DMXL2: variants seen among roughly 807,000 people sequenced by gnomAD.
The protein encoded by DMXL2 is Dmx like 2.
Under a neutral mutation model 331.1 loss-of-function variants are expected in DMXL2, and 103 were observed. The ratio of observed to expected loss-of-function variants is 0.31; its 90% confidence interval spans 0.27 to 0.37. The LOEUF is 0.37. DMXL2 is among the 10% of genes least tolerant of loss of function. The pLI, the probability that DMXL2 is intolerant of heterozygous loss-of-function variation, is 1.00. For missense variants in DMXL2, 3,171 were observed against 3,642.9 expected (o/e 0.87, Z 3.33); for synonymous variants, 1,281 against 1,252.1 (o/e 1.02, Z -0.49).
intron 6 of DMXL2, among the ~76,000 whole-genome samples, chr15:51,549,716 T>C (rs972595336): frequency 6.6e-6 from 1 of 152,158 alleles, no homozygotes; most frequent in African/African-American, 2.4e-5. Flanking sequence ...ATTAGTGACG[T>C]TGAGCATTTT....
intron 15 of DMXL2, among the ~76,000 whole-genome samples, chr15:51,508,030 G>A (rs2046516155): frequency 1.3e-5 from 2 of 152,112 alleles, no homozygotes; most frequent in South Asian, 2.1e-4. Flanking sequence ...TATTGGTAAT[G>A]AGCGCTGCTA....
At position 51,464,892 on chromosome 15, in the gene DMXL2, A is replaced by G. The variant is rs2040438699; in HGVS notation, c.7607-16T>C. 1 of 1,583,616 alleles carries G rather than the reference A, an allele frequency of 6.3e-7. No individual in the cohort carries two copies. Among genetic ancestry groups the G allele is most frequent in the African/African-American group, 1.4e-5 (1 of 73,762 alleles). Reference sequence around the variant, plus strand: ...ACAGGCAGCTCTACAAGGTGACAGAATATGTTATTTATTTTAATAAAAAAT... The same window carrying G: ...ACAGGCAGCTCTACAAGGTGACAGAGTATGTTATTTATTTTAATAAAAAAT... On this transcript the variant is annotated splice_polypyrimidine_tract_variant and intron_variant, in intron 31 of 43. Transcript: ENST00000560891.
intron 23 of DMXL2, among the ~76,000 whole-genome samples, chr15:51,483,660 G>C (rs923876292): frequency 2.0e-5 from 3 of 151,186 alleles, no homozygotes; most frequent in Non-Finnish European, 4.4e-5. Flanking sequence ...CAGCGCCCCT[G>C]CTCCCTGCAC....
At chr15:51,537,352 AAAG>A in intron 11 of DMXL2, 133 bp downstream of exon 11, 2 of 773,106 alleles carry the variant, frequency 2.6e-6, no homozygotes, top group East Asian at 2.8e-5. Context: ...CTTCTGAAAG[AAAG>A]AAGTATTCTT....
At chr15:51,616,353 A>G (rs961047446) in intron 1 of DMXL2, among the ~76,000 whole-genome samples, 1 of 151,060 alleles carries the variant, frequency 6.6e-6, no homozygotes, top group Non-Finnish European at 1.5e-5. Context: ...CAGGCAAACG[A>G]AAAAAAAAGA....
At chr15:51,557,332 T>C (rs1016464001) in intron 6 of DMXL2, among the ~76,000 whole-genome samples, 2 of 152,102 alleles carry the variant, frequency 1.3e-5, no homozygotes, top group Non-Finnish European at 2.9e-5. Flanking sequence ...CAAAAGATAT[T>C]TGGGATCTTC....
Position 51,499,344 on chromosome 15 carries a change from C to T in DMXL2, c.3880G>A (p.Ala1294Thr), listed in dbSNP as rs149666891. 426 of 1,613,928 alleles carry T rather than the reference C, an allele frequency of 2.6e-4. 1 individual carries two copies. The African/African-American group carries it at 5.0e-3, about 19-fold the overall frequency. ...TTAAAGGTCGAATGATCTTGCATTG[C>T]TGCCTCTTCTGCATTAGAACTATCA... ...EADSSNAEEAAMQDHSTFKSN... is the reference protein window; with the variant it reads ...EADSSNAEEATMQDHSTFKSN... Residue 1294 changes from alanine (A) to threonine (T), a missense_variant, in exon 18 of 44, where the codon GCA becomes ACA. By Grantham distance (58) the Ala-to-Thr change is moderately conservative (BLOSUM62 0). Coordinates refer to ENST00000560891, the MANE Select transcript of DMXL2 (RefSeq NM_001378457.1).
chr15:51,499,835 T>G lies in DMXL2; in HGVS notation c.3389A>C (p.Lys1130Thr). ...CCTTGAATCAAGTACACTCCCAACCTTAACCAAATCATCAAGATGAATTGT... is the reference window on the plus strand; with the variant it reads ...CCTTGAATCAAGTACACTCCCAACCGTAACCAAATCATCAAGATGAATTGT... ...EQTIHLDDLV[K>T]VGSVLDSRVS... is the part of the protein sequence containing the mutation. The change falls in exon 18 of 44, where the codon AAG (lysine) becomes ACG (threonine). Residue 1130 changes from lysine to threonine, a missense_variant. Coordinates refer to ENST00000560891, the MANE Select transcript of DMXL2 (RefSeq NM_001378457.1). 6.2e-7 allele frequency: 1 copy of G among 1,614,206 alleles called. No individual in the cohort carries two copies. The highest frequency in any genetic ancestry group is 8.5e-7 in the Non-Finnish European group (1 of 1,180,022).
intron 1 of DMXL2, among the ~76,000 whole-genome samples, chr15:51,602,560 G>C (rs2053300365): frequency 6.6e-6 from 1 of 152,124 alleles, no homozygotes; most frequent in Admixed American, 6.5e-5. Flanking sequence ...GTCTGGAAAG[G>C]CAACTCAACA....
rs543036066 is a variant in DMXL2, at chr15:51,611,155, A to G, written c.87+11304T>C. ...CATTAATAAAATAGAAAATAAGTAT[A>G]TAACAGAGAGAAGTGGTAAAGCTAA... is the stretch of plus-strand genomic sequence containing the variant. On this transcript the variant is annotated intron_variant, in intron 1 of 43. Transcript: ENST00000560891. Among the ~76,000 whole-genome samples the G allele has an allele frequency of 4.6e-5, 7 of 152,134 alleles. No individual in the cohort carries two copies. The East Asian group carries it at 1.2e-3, about 25-fold the overall frequency.
Position 51,538,362 on chromosome 15 carries a change from T to C in DMXL2, c.1196A>G (p.His399Arg), listed in dbSNP as rs1370293615. 2.5e-6 allele frequency: 4 copies of C among 1,613,804 alleles called. No individual in the cohort carries two copies. Among genetic ancestry groups the C allele is most frequent in the Non-Finnish European group, 3.4e-6 (4 of 1,179,782 alleles). Residue 399 changes from histidine to arginine, a missense_variant, in exon 10 of 44, where the codon CAT becomes CGT. Coordinates refer to ENST00000560891, the MANE Select transcript of DMXL2 (RefSeq NM_001378457.1). Reference protein sequence around the residue: ...VVHWLNNKEFHFTSSTEVFMH... With the variant: ...VVHWLNNKEFRFTSSTEVFMH... Reference sequence around the variant, plus strand: ...AAATACTTCTGTAGATGATGTAAAATGAAATTCCTTGTTGTTTAACCAATG... The same window carrying C: ...AAATACTTCTGTAGATGATGTAAAACGAAATTCCTTGTTGTTTAACCAATG...
chr15:51,555,428 C>A (rs1320873079), intron 6 of DMXL2, among the ~76,000 whole-genome samples: 1 of 152,048 alleles, frequency 6.6e-6, no homozygotes, highest in African/African-American at 2.4e-5. Context: ...AGTTGAATGT[C>A]ATCAGCATAC....
rs755681885 is a variant in DMXL2, at chr15:51,503,028, C to T, written c.2770G>A (p.Ala924Thr). Residue 924 changes from alanine to threonine, a missense_variant, in exon 17 of 44, where the codon GCT (alanine) becomes ACT (threonine). Around this residue, in one of 7 missense-constraint regions of DMXL2, gnomAD observed 1,674 missense variants for 1,780.2 expected, o/e 0.94. Transcript: ENST00000560891. ...CTCTCAGAGGAAGCCCCTTCTGAAGCTTTAGCTTTAAAAATAAATTATAAA... is the reference window on the plus strand; with the variant it reads ...CTCTCAGAGGAAGCCCCTTCTGAAGTTTTAGCTTTAAAAATAAATTATAAA... ...LKSVQACLAKASEGASSESLL... is the reference protein window; with the variant it reads ...LKSVQACLAKTSEGASSESLL... 2 of 1,596,394 alleles carry T rather than the reference C, an allele frequency of 1.3e-6. No homozygotes were observed. Among genetic ancestry groups the T allele is most frequent in the South Asian group, 1.1e-5 (1 of 88,642 alleles).
At chr15:51,462,615 G>A (rs1261642839) in intron 33 of DMXL2, among the ~76,000 whole-genome samples, 1 of 152,110 alleles carries the variant, frequency 6.6e-6, no homozygotes, top group Non-Finnish European at 1.5e-5. Flanking sequence ...GGGATTACAG[G>A]TGTGAGCCAC....
At position 51,542,341 on chromosome 15, in the gene DMXL2, G is replaced by A. The variant is rs1213133813; in HGVS notation, c.1097C>T (p.Pro366Leu). 1.9e-6 allele frequency: 3 copies of A among 1,613,090 alleles called. No individual in the cohort carries two copies. Among genetic ancestry groups the A allele is most frequent in the African/African-American group, 2.7e-5 (2 of 74,902 alleles). ...CHFHIAASIN[P>L]ATDIPNVLVG... ...AAAACTTTATCCTTTACCTGTGGCA[G>A]GGTTGATGCTTGCTGCAATATGAAA... The change falls in exon 9 of 44, where the codon CCT (proline) becomes CTT (leucine). Residue 366 changes from proline to leucine, a missense_variant. Physicochemically the swap from Pro to Leu is moderately conservative, Grantham distance 98 (BLOSUM62 -3). This residue lies in a region of DMXL2 where 1,674 missense variants were observed against 1,780.2 expected (regional missense o/e 0.94). Transcript: ENST00000560891.
At position 51,535,686 on chromosome 15, in the gene DMXL2, C is replaced by G; in HGVS notation, c.2413G>C (p.Glu805Gln). 1 of 1,603,364 alleles carries G rather than the reference C, an allele frequency of 6.2e-7. No individual in the cohort carries two copies. The highest frequency in any genetic ancestry group is 8.5e-7 in the Non-Finnish European group (1 of 1,175,676). Residue 805 changes from glutamate (E) to glutamine (Q), a missense_variant, in exon 13 of 44, where the codon GAA (glutamate) becomes CAA (glutamine). Physicochemically the swap from Glu to Gln is conservative, Grantham distance 29 (BLOSUM62 2). Transcript: ENST00000560891. The stretch of plus-strand genomic sequence containing the variant: ...ACTGAAGATTCTGGGTCTGACAATT[C>G]ATCTAATAATTTCCTTGCATCCACT... ...AVVDARKLLD[E>Q]LSDPESSKLI...
chr15:51,620,306 T>C (rs1175851701), intron 1 of DMXL2, among the ~76,000 whole-genome samples: 1 of 152,198 alleles, frequency 6.6e-6, no homozygotes, highest in Admixed American at 6.5e-5. Flanking sequence ...TGGGTTTGTA[T>C]TTACATTTGT....
intron 13 of DMXL2, among the ~76,000 whole-genome samples, chr15:51,528,585 A>T (rs2047816902): frequency 6.6e-6 from 1 of 152,174 alleles, no homozygotes; most frequent in Non-Finnish European, 1.5e-5. Context: ...AACAATTTTA[A>T]ATGTATATGC....
At chr15:51,565,435 T>C (rs1360299683) in intron 3 of DMXL2, among the ~76,000 whole-genome samples, 1 of 152,220 alleles carries the variant, frequency 6.6e-6, no homozygotes, top group African/African-American at 2.4e-5. Context: ...AAATACCTTC[T>C]TATATTTAGG....
Sources: gnomAD v4.1 joint callset for allele counts (sites outside exome capture counted in the v4.1 genomes callset) on GRCh38, gnomAD v4.1.1 for gene constraint, gnomAD v4.1.1 regional missense constraint, MANE v1.5 for transcripts, NCBI Gene and HGNC (gene_info 2026-07-23, HGNC 2026-07-21) for gene names.